CRACDL: variants seen among roughly 807,000 people sequenced by gnomAD.
CRACDL encodes CRACD-like protein.
Under a neutral mutation model 70.6 loss-of-function variants are expected in CRACDL, and 26 were observed. The ratio of observed to expected loss-of-function variants is 0.37; its 90% confidence interval spans 0.27 to 0.51. CRACDL has a LOEUF of 0.51. Among genes scored for constraint, CRACDL ranks in the 20% least tolerant of loss-of-function variants. The pLI, the probability that CRACDL is intolerant of heterozygous loss-of-function variation, is 0.94. For synonymous variants in CRACDL, 618 were observed against 615.2 expected (o/e 1.00, Z -0.07); for missense variants, 1,283 against 1,376.9 (o/e 0.93, Z 1.08).
intron 1 of CRACDL, among the ~76,000 whole-genome samples, chr2:98,902,620 G>C (rs547332638): frequency 1.3e-5 from 2 of 152,210 alleles, no homozygotes; most frequent in East Asian, 1.9e-4. Flanking sequence ...GGTGGGGATC[G>C]CTGGCTACTG....
intron 6 of CRACDL, among the ~76,000 whole-genome samples, chr2:98,826,226 T>A (rs1705295521): frequency 6.6e-6 from 1 of 152,070 alleles, no homozygotes. Flanking sequence ...CAAAGAGGGG[T>A]CTGTCTTTCC....
chr2:98,821,347 C>A (rs1705018583), intron 7 of CRACDL, among the ~76,000 whole-genome samples: 1 of 152,170 alleles, frequency 6.6e-6, no homozygotes, highest in African/African-American at 2.4e-5. Context: ...CCACGCCTGG[C>A]CAGTTTTAAA....
At chr2:98,821,555 C>T (rs1441231845) in intron 7 of CRACDL, among the ~76,000 whole-genome samples, 3 of 152,110 alleles carry the variant, frequency 2.0e-5, no homozygotes, top group Non-Finnish European at 4.4e-5. Flanking sequence ...TTGGGCCACA[C>T]ATAAAATACA....
intron 7 of CRACDL, among the ~76,000 whole-genome samples, chr2:98,819,247 C>T (rs1337433345): frequency 6.6e-6 from 1 of 152,192 alleles, no homozygotes; most frequent in African/African-American, 2.4e-5. Context: ...AAAGCATTGC[C>T]CTCTGAAGCT....
intron 7 of CRACDL, among the ~76,000 whole-genome samples, chr2:98,810,257 G>A (rs72827743): frequency 0.021 from 3,138 of 152,300 alleles, 63 homozygotes; most frequent in East Asian, 0.093. Context: ...TATCAGGGGC[G>A]GGGCTGCAGG....
At chr2:98,887,369 T>C (rs1707827567) in intron 1 of CRACDL, among the ~76,000 whole-genome samples, 2 of 151,942 alleles carry the variant, frequency 1.3e-5, no homozygotes, top group Non-Finnish European at 2.9e-5. Context: ...GCACCTGTAG[T>C]CCCAACTACT....
chr2:98,830,523 C>A (rs1227523349), intron 5 of CRACDL, among the ~76,000 whole-genome samples: 2 of 152,176 alleles, frequency 1.3e-5, no homozygotes, highest in Non-Finnish European at 2.9e-5. Flanking sequence ...TGCATAAAAA[C>A]TTTCAGGCCT....
intron 1 of CRACDL, among the ~76,000 whole-genome samples, chr2:98,854,409 C>T (rs533901080): frequency 1.3e-5 from 2 of 150,546 alleles, no homozygotes; most frequent in African/African-American, 2.4e-5. Context: ...TCTACTTGAC[C>T]TTGAGATAAG....
intron 1 of CRACDL, among the ~76,000 whole-genome samples, chr2:98,884,562 C>T (rs528427595): frequency 2.0e-5 from 3 of 152,294 alleles, no homozygotes; most frequent in Admixed American, 6.5e-5. Context: ...ATTGTTAGGT[C>T]CCCTGCCTAA....
At chr2:98,843,026 T>C (rs1483181853) in intron 2 of CRACDL, among the ~76,000 whole-genome samples, 2 of 152,076 alleles carry the variant, frequency 1.3e-5, no homozygotes, top group Non-Finnish European at 2.9e-5. Flanking sequence ...CTGTGCCATT[T>C]TGCATTCCTC....
intron 1 of CRACDL, among the ~76,000 whole-genome samples, chr2:98,860,343 A>T (rs1013369322): frequency 1.3e-5 from 2 of 152,248 alleles, no homozygotes; most frequent in Admixed American, 6.5e-5. Flanking sequence ...AGTCAAAATA[A>T]TCTTGAAAAA....
chr2:98,836,330 G>A (rs1163809566), intron 3 of CRACDL, among the ~76,000 whole-genome samples: 1 of 152,106 alleles, frequency 6.6e-6, no homozygotes, highest in Non-Finnish European at 1.5e-5. Flanking sequence ...CACAGGCCAA[G>A]CAGTACTTGC....
At chr2:98,889,854 G>T (rs1239263908) in intron 1 of CRACDL, among the ~76,000 whole-genome samples, 1 of 152,090 alleles carries the variant, frequency 6.6e-6, no homozygotes, top group Admixed American at 6.5e-5. Context: ...ACTAACAAAA[G>T]AAATTTGAGA....
intron 1 of CRACDL, among the ~76,000 whole-genome samples, chr2:98,875,620 C>T (rs369518766): frequency 7.9e-5 from 12 of 152,350 alleles, no homozygotes; most frequent in African/African-American, 2.6e-4. Context: ...GCAGAAGAAC[C>T]GCACTCAGGA....
intron 1 of CRACDL, among the ~76,000 whole-genome samples, chr2:98,854,985 T>C (rs533849979): frequency 2.6e-5 from 4 of 152,356 alleles, no homozygotes; most frequent in South Asian, 2.1e-4. Context: ...ATTGTAACTA[T>C]GATTATTAAA....
intron 1 of CRACDL, among the ~76,000 whole-genome samples, chr2:98,855,516 A>G (rs1286181157): frequency 1.3e-5 from 2 of 152,160 alleles, no homozygotes. Context: ...GTATTATATC[A>G]AATAAAAAGT....
intron 7 of CRACDL, among the ~76,000 whole-genome samples, chr2:98,820,573 T>G (rs1704986904): frequency 1.3e-5 from 2 of 152,142 alleles, no homozygotes; most frequent in African/African-American, 4.8e-5. Context: ...AACCCAGCAA[T>G]GAAAGATTCT....
At chr2:98,804,119 C>G (rs372267615) in intron 7 of CRACDL, among the ~76,000 whole-genome samples, 1 of 152,200 alleles carries the variant, frequency 6.6e-6, no homozygotes, top group African/African-American at 2.4e-5. Context: ...GTCCCAGAGC[C>G]AGGCTGTGTG....
chr2:98,935,195 T>C (rs1709176240), intron 1 of CRACDL, among the ~76,000 whole-genome samples: 1 of 152,008 alleles, frequency 6.6e-6, no homozygotes. Flanking sequence ...TCTAAAAGGG[T>C]AACACAGCTG....
Sources: allele counts gnomAD v4.1 joint callset (sites outside exome capture counted in the v4.1 genomes callset), GRCh38; gene constraint gnomAD v4.1.1; transcripts MANE v1.5; gene names NCBI Gene and HGNC (gene_info 2026-07-23, HGNC 2026-07-21).